Variants in CCDC146 observed in about 807,000 individuals in gnomAD.
CCDC146 encodes coiled-coil domain containing 146.
Under a neutral mutation model 119.3 loss-of-function variants are expected in CCDC146, and 92 were observed. The observed-to-expected ratio is 0.77, with a 90% confidence interval of 0.65 to 0.92. The LOEUF is 0.92. Among genes scored for constraint, CCDC146 ranks in the 40% least tolerant of loss-of-function variants. The pLI is 0.00. For synonymous variants in CCDC146, 372 were observed against 371.8 expected, an observed-to-expected ratio of 1.00 and a Z score of -0.01; for missense variants, 1,000 against 1,103.0, an observed-to-expected ratio of 0.91 and a Z score of 1.32.
chr7:77,130,024 G>A (rs1187298960), intron 1 of CCDC146, among the ~76,000 whole-genome samples: 2 of 151,900 alleles, frequency 1.3e-5, no homozygotes, highest in African/African-American at 4.8e-5. Flanking sequence ...TGACTACTTG[G>A]ATATACCAAA....
chr7:77,257,581 T>C (rs1163971936), intron 6 of CCDC146, among the ~76,000 whole-genome samples: 1 of 152,144 alleles, frequency 6.6e-6, no homozygotes, highest in Non-Finnish European at 1.5e-5. Context: ...GCATTTGTAA[T>C]TGTTTACTCT....
At chr7:77,217,180 T>C (rs1345483408) in intron 2 of CCDC146, among the ~76,000 whole-genome samples, 1 of 152,062 alleles carries the variant, frequency 6.6e-6, no homozygotes, top group Non-Finnish European at 1.5e-5. Context: ...AAACCTCAAA[T>C]GATACAGTCA....
intron 1 of CCDC146, among the ~76,000 whole-genome samples, chr7:77,146,379 C>G (rs1419222737): frequency 6.6e-6 from 1 of 152,098 alleles, no homozygotes; most frequent in Non-Finnish European, 1.5e-5. Context: ...ATTTGCCAGT[C>G]TATGTCTTTT....
chr7:77,201,778 A>C (rs190225750), intron 2 of CCDC146, among the ~76,000 whole-genome samples: 1 of 152,204 alleles, frequency 6.6e-6, no homozygotes, highest in South Asian at 2.1e-4. Flanking sequence ...TTTAGCTAAA[A>C]ATATCTATTT....
chr7:77,236,103 A>T (rs1267300938), intron 2 of CCDC146, among the ~76,000 whole-genome samples: 1 of 151,846 alleles, frequency 6.6e-6, no homozygotes, highest in East Asian at 1.9e-4. Flanking sequence ...ATGTAAGAAC[A>T]ACAGGGCTGA....
chr7:77,182,670 C>T (rs74699908), intron 2 of CCDC146, among the ~76,000 whole-genome samples: 2,101 of 152,096 alleles, frequency 0.014, 58 homozygotes, highest in African/African-American at 0.048. Context: ...CGATGGTGCA[C>T]GCCTGTAGTC....
At chr7:77,255,220 C>A (rs1477252970) in intron 5 of CCDC146, 1 of 152,118 alleles carries the variant, frequency 6.6e-6, no homozygotes. Context: ...TTTGGTAATA[C>A]CCCATTGGCC....
At chr7:77,213,293 A>C (rs1792224751) in intron 2 of CCDC146, among the ~76,000 whole-genome samples, 2 of 151,922 alleles carry the variant, frequency 1.3e-5, no homozygotes, top group Admixed American at 6.6e-5. Context: ...AGGTCTCACC[A>C]CATTTCCCAG....
intron 1 of CCDC146, among the ~76,000 whole-genome samples, chr7:77,130,685 G>A (rs1335687795): frequency 1.4e-5 from 2 of 142,320 alleles, no homozygotes; most frequent in Admixed American, 7.3e-5. Flanking sequence ...TGCAAGCTCC[G>A]CCTCCCAGGT....
intron 2 of CCDC146, among the ~76,000 whole-genome samples, chr7:77,173,442 A>T (rs1205742689): frequency 6.6e-6 from 1 of 152,096 alleles, no homozygotes; most frequent in Non-Finnish European, 1.5e-5. Flanking sequence ...CAGCCTGGCC[A>T]ACATGGCGAA....
At chr7:77,269,022 C>T (rs1187397019) in intron 9 of CCDC146, among the ~76,000 whole-genome samples, 3 of 152,148 alleles carry the variant, frequency 2.0e-5, no homozygotes, top group Non-Finnish European at 2.9e-5. Flanking sequence ...AAGTATATGT[C>T]CTTCCAAAGT....
At chr7:77,146,995 T>G (rs912478839) in intron 1 of CCDC146, among the ~76,000 whole-genome samples, 41 of 152,340 alleles carry the variant, frequency 2.7e-4, no homozygotes, top group Admixed American at 2.5e-3. Flanking sequence ...GAAAATATCC[T>G]GCAGAGTGTT....
intron 2 of CCDC146, among the ~76,000 whole-genome samples, chr7:77,236,054 G>A (rs1366782473): frequency 1.5e-5 from 1 of 68,308 alleles, no homozygotes; most frequent in Admixed American, 1.5e-4. Context: ...CTGGACGACA[G>A]AGTGAGACTC....
At chr7:77,184,532 C>A (rs1023765032) in intron 2 of CCDC146, among the ~76,000 whole-genome samples, 2 of 152,182 alleles carry the variant, frequency 1.3e-5, no homozygotes, top group African/African-American at 4.8e-5. Context: ...GTAAATGACA[C>A]ATTCTGAAAG....
chr7:77,139,868 T>C (rs1790909354), intron 1 of CCDC146, among the ~76,000 whole-genome samples: 1 of 150,366 alleles, frequency 6.7e-6, no homozygotes, highest in Non-Finnish European at 1.5e-5. Context: ...CTCCCCTTCC[T>C]TCCTTCCTTC....
chr7:77,280,413 C>G lies in CCDC146; in HGVS notation c.1695-16C>G. On this transcript the variant is annotated splice_polypyrimidine_tract_variant and intron_variant, in intron 13 of 18. Coordinates refer to ENST00000285871, the MANE Select transcript of CCDC146 (RefSeq NM_020879.3). The stretch of plus-strand genomic sequence containing the variant: ...AGAAAATTATAATCTTACCCATTGT[C>G]TTATTACTTTAAAAGAAAGCTACAA... The G allele has an allele frequency of 6.3e-7, 1 of 1,581,964 alleles. No individual in the cohort carries two copies. The highest frequency in any genetic ancestry group is 1.7e-4 in the Middle Eastern group (1 of 5,810).
In CCDC146 at chr7:77,196,970, T is replaced by C. The variant is rs777871688; in HGVS notation, c.156+29146T>C. ...TGCGTAGTAGTCAGAGCAATCTTTA[T>C]ATATTAGATGTTGAACTGAAGGGGA... On this transcript the variant is annotated intron_variant, in intron 2 of 18. Transcript: ENST00000285871. The surrounding 1 kb of genome is among the most constrained non-coding windows in gnomAD (Gnocchi z 4.2). The C allele has an allele frequency of 6.2e-7, 1 of 1,601,922 alleles. No individual in the cohort carries two copies. The highest frequency in any genetic ancestry group is 8.5e-7 in the Non-Finnish European group (1 of 1,173,044).
intron 4 of CCDC146, chr7:77,242,341 A>G: frequency 1.0e-6 from 1 of 989,952 alleles, no homozygotes; most frequent in South Asian, 4.4e-5. Flanking sequence ...CATCTGGCTC[A>G]CTCTATTCTT....
chr7:77,254,954 C>A (rs1380068445), intron 5 of CCDC146, among the ~76,000 whole-genome samples: 1 of 152,226 alleles, frequency 6.6e-6, no homozygotes, highest in East Asian at 1.9e-4. Context: ...TCCTGCCTAA[C>A]AAATCATCCC....
Sources: gnomAD v4.1 joint callset for allele counts (sites outside exome capture counted in the v4.1 genomes callset) on GRCh38, gnomAD v4.1.1 for gene constraint, Gnocchi (gnomAD v3.1) non-coding constraint, MANE v1.5 for transcripts, NCBI Gene and HGNC (gene_info 2026-07-23, HGNC 2026-07-21) for gene names.